Variants in TMEM132B observed in about 807,000 individuals in gnomAD.
The protein encoded by TMEM132B is transmembrane protein 132B.
In TMEM132B, 18 loss-of-function variants were observed where a neutral mutation model predicts 90.8. The ratio of observed to expected loss-of-function variants is 0.20; its 90% CI spans 0.14 to 0.29. TMEM132B has a LOEUF of 0.29. TMEM132B is among the 10% of genes least tolerant of loss of function. TMEM132B has a pLI of 1.00. For synonymous variants in TMEM132B, 504 were observed against 523.3 expected, an observed-to-expected ratio of 0.96 and a Z score of 0.50; for missense variants, 1,096 against 1,326.8, an observed-to-expected ratio of 0.83 and a Z score of 2.70.
chr12:125,212,514 G>A (rs1304769362), intron 1 of TMEM132B, among the ~76,000 whole-genome samples: 3 of 151,982 alleles, frequency 2.0e-5, no homozygotes, highest in Non-Finnish European at 4.4e-5. Flanking sequence ...CCAGCGTGGT[G>A]AAACCCTGTC....
intron 1 of TMEM132B, among the ~76,000 whole-genome samples, chr12:125,255,342 C>T (rs998793746): frequency 4.6e-5 from 7 of 151,930 alleles, no homozygotes; most frequent in Non-Finnish European, 7.4e-5. Context: ...TGTATGTGGG[C>T]GCGAGGGGGT....
At chr12:125,234,512 T>G (rs1042914763) in intron 1 of TMEM132B, among the ~76,000 whole-genome samples, 1 of 152,088 alleles carries the variant, frequency 6.6e-6, no homozygotes, top group African/African-American at 2.4e-5. Context: ...AAATGTACAT[T>G]CTCGGGCCCC....
Position 125,650,563 on chromosome 12 carries a change from C to T in TMEM132B, c.1644-120C>T, listed in dbSNP as rs1353530340. 13 of 1,187,202 alleles carry T rather than the reference C, an allele frequency of 1.1e-5. No individual in the cohort carries two copies. In the East Asian group the frequency reaches 3.0e-4, roughly 28 times the overall value. 73.5% of individuals were successfully genotyped at this position (1,187,202 alleles called of 1,614,324 possible). On this transcript the variant is annotated intron_variant, in intron 6 of 8. Transcript: ENST00000682704. ...GGAGTGGATAGATGGCTGAGCAGGT[C>T]CTGCAGGAGAAGGACCATTTCATTT...
At chr12:125,386,894 T>G (rs1341536764) in intron 2 of TMEM132B, among the ~76,000 whole-genome samples, 2 of 152,204 alleles carry the variant, frequency 1.3e-5, no homozygotes, top group African/African-American at 4.8e-5. Context: ...TCAGCTATGT[T>G]AGAAATAAAT....
chr12:125,438,040 A>T (rs1399156573), intron 3 of TMEM132B, among the ~76,000 whole-genome samples: 2 of 152,184 alleles, frequency 1.3e-5, no homozygotes, highest in Non-Finnish European at 1.5e-5. Flanking sequence ...AATGTGCTTT[A>T]TGGCCACTTT....
At chr12:125,482,623 A>G (rs986411792) in intron 3 of TMEM132B, among the ~76,000 whole-genome samples, 3 of 152,230 alleles carry the variant, frequency 2.0e-5, no homozygotes, top group African/African-American at 7.2e-5. Context: ...GTGGAGAAAC[A>G]GGAACACTTT....
chr12:125,461,791 G>A (rs1489548344), intron 3 of TMEM132B, among the ~76,000 whole-genome samples: 3 of 152,150 alleles, frequency 2.0e-5, no homozygotes, highest in African/African-American at 4.8e-5. Context: ...GTTTCCTCCC[G>A]GCGCTGCCAG....
In TMEM132B at chr12:125,463,058, A is replaced by T. The variant is rs990835517; in HGVS notation, c.1106+47381A>T. On this transcript the variant is annotated intron_variant, in intron 3 of 8. Coordinates refer to ENST00000682704, the MANE Select transcript of TMEM132B (RefSeq NM_001366854.1). ...GTTCCAAATGTTCCAATTGTGTGAA[A>T]GTTTGCAGGGTAATAATTTATCTCT... 9.9e-5 allele frequency among the ~76,000 whole-genome samples: 15 copies of T among 152,196 alleles called. 1 individual carries two copies. The highest frequency in any genetic ancestry group is 1.5e-5 in the Non-Finnish European group (1 of 68,044).
chr12:125,406,029 T>G lies in TMEM132B; in HGVS notation c.960-9502T>G, dbSNP rs148457412. Among the ~76,000 whole-genome samples, 265 of 152,310 alleles carry G rather than the reference T, an allele frequency of 1.7e-3. 1 individual carries two copies. Among genetic ancestry groups the G allele is most frequent in the African/African-American group, 6.1e-3 (254 of 41,572 alleles). ...GGTTGTAGCTTTCCTTGCTTTTTTTTGGAATATTTATTAGTTCAGTTTCCT... is the reference window on the plus strand; with the variant it reads ...GGTTGTAGCTTTCCTTGCTTTTTTTGGGAATATTTATTAGTTCAGTTTCCT... On this transcript the variant is annotated intron_variant, in intron 2 of 8. Coordinates refer to ENST00000682704, the MANE Select transcript of TMEM132B (RefSeq NM_001366854.1). The surrounding 1 kb of genome is among the most constrained non-coding windows in gnomAD (Gnocchi z 8.3).
At chr12:125,505,185 A>AAAAAC (rs1882811996) in intron 3 of TMEM132B, among the ~76,000 whole-genome samples, 1 of 121,652 alleles carries the variant, frequency 8.2e-6, no homozygotes, top group African/African-American at 2.6e-5. Context: ...AAAAAAAAAA[A>AAAAAC]AAAAAAAAAA....
intron 3 of TMEM132B, among the ~76,000 whole-genome samples, chr12:125,470,159 C>T (rs973097629): frequency 3.3e-5 from 5 of 152,234 alleles, no homozygotes; most frequent in African/African-American, 7.2e-5. Flanking sequence ...CATCTCCTTT[C>T]AAGAGAGAGC....
chr12:125,307,767 G>GTA (rs372037783), intron 1 of TMEM132B, among the ~76,000 whole-genome samples: 901 of 3,254 alleles, frequency 0.28, 15 homozygotes, highest in Middle Eastern at 0.5. Flanking sequence ...TATATTGCAA[G>GTA]TATATATACT....
At chr12:125,464,942 G>A (rs957293416) in intron 3 of TMEM132B, among the ~76,000 whole-genome samples, 4 of 152,180 alleles carry the variant, frequency 2.6e-5, no homozygotes, top group African/African-American at 4.8e-5. Context: ...TCTCATTAAT[G>A]AGACTTTGTA....
chr12:125,441,578 G>T (rs11832558), intron 3 of TMEM132B, among the ~76,000 whole-genome samples: 9,631 of 152,198 alleles, frequency 0.063, 945 homozygotes, highest in African/African-American at 0.21. Context: ...GAAGTTATCT[G>T]CTGGCCCCTC....
intron 2 of TMEM132B, among the ~76,000 whole-genome samples, chr12:125,360,286 T>G (rs1877919279): frequency 6.6e-6 from 1 of 152,168 alleles, no homozygotes; most frequent in Admixed American, 6.5e-5. Flanking sequence ...CTTGATGTAA[T>G]TTTACACACA....
At chr12:125,590,485 T>C (rs943344252) in intron 5 of TMEM132B, among the ~76,000 whole-genome samples, 2 of 152,206 alleles carry the variant, frequency 1.3e-5, no homozygotes, top group East Asian at 3.9e-4. Flanking sequence ...GTCAGTGAAT[T>C]TTCTGTTACT....
intron 1 of TMEM132B, among the ~76,000 whole-genome samples, chr12:125,328,826 A>G (rs1402211500): frequency 1.3e-5 from 2 of 152,060 alleles, no homozygotes; most frequent in African/African-American, 2.4e-5. Flanking sequence ...TCCTCGGTAC[A>G]TGTGCCCTCA....
chr12:125,515,775 T>C (rs849344), intron 3 of TMEM132B, among the ~76,000 whole-genome samples: 68,197 of 151,434 alleles, frequency 0.45, 18,370 homozygotes, highest in East Asian at 0.85. Flanking sequence ...CACACACATT[T>C]GCACATCTCT....
intron 2 of TMEM132B, among the ~76,000 whole-genome samples, chr12:125,398,912 C>T (rs901176516): frequency 1.3e-5 from 2 of 152,194 alleles, no homozygotes; most frequent in Admixed American, 1.3e-4. Flanking sequence ...GGAGGCCCAA[C>T]TGGTGAAGAA....
Sources: gnomAD v4.1 joint callset for allele counts (sites outside exome capture counted in the v4.1 genomes callset) on GRCh38, gnomAD v4.1.1 for gene constraint, Gnocchi (gnomAD v3.1) non-coding constraint, MANE v1.5 for transcripts, NCBI Gene and HGNC (gene_info 2026-07-23, HGNC 2026-07-21) for gene names.